Variants in CSTPP1 observed in about 807,000 individuals in gnomAD.
CSTPP1 encodes the protein centriolar satellite-associated tubulin polyglutamylase complex regulator 1.
chr11:47,068,389 A>T, the CSTPP1 span, among the ~76,000 whole-genome samples: 1 of 151,978 alleles, frequency 6.6e-6, no homozygotes, highest in Admixed American at 6.6e-5. Context: ...AAAATTAGTG[A>T]AGCACGGTGG....
At chr11:47,091,046 CAA>C in the CSTPP1 span, among the ~76,000 whole-genome samples, 45,944 of 84,258 alleles carry the variant, frequency 0.55, 12,765 homozygotes, top group Middle Eastern at 0.73. Context: ...GACTCCATCT[CAA>C]AAAAAAAAAA....
chr11:47,153,634 T>C, the CSTPP1 span, among the ~76,000 whole-genome samples: 11 of 152,202 alleles, frequency 7.2e-5, no homozygotes, highest in Admixed American at 1.3e-4. Flanking sequence ...AGGATTGTTG[T>C]GGGATAAAAT....
the CSTPP1 span, among the ~76,000 whole-genome samples, chr11:47,122,733 C>T: frequency 2.6e-5 from 4 of 152,116 alleles, no homozygotes; most frequent in Admixed American, 1.3e-4. Context: ...GTGTGCACCA[C>T]TGTGCCTGGC....
At chr11:47,007,213 T>C in the CSTPP1 span, among the ~76,000 whole-genome samples, 2 of 151,774 alleles carry the variant, frequency 1.3e-5, no homozygotes, top group Non-Finnish European at 2.9e-5. Context: ...GTGTTTTTAG[T>C]AGAGATGGGG....
the CSTPP1 span, among the ~76,000 whole-genome samples, chr11:47,087,322 G>A: frequency 3.9e-5 from 6 of 152,170 alleles, no homozygotes; most frequent in African/African-American, 1.4e-4. Context: ...CTAGCTGTGT[G>A]GCTTTGAGTA....
chr11:47,118,107 C>T, the CSTPP1 span, among the ~76,000 whole-genome samples: 4 of 151,834 alleles, frequency 2.6e-5, no homozygotes, highest in African/African-American at 9.7e-5. Context: ...CTCAAACCCC[C>T]GACCTCGTGA....
chr11:47,036,193 TTA>T, the CSTPP1 span, among the ~76,000 whole-genome samples: 1 of 54,068 alleles, frequency 1.8e-5, no homozygotes, highest in African/African-American at 5.8e-5. Context: ...TATATTTATA[TTA>T]TATATTATAT....
At chr11:47,097,689 T>G in the CSTPP1 span, among the ~76,000 whole-genome samples, 16 of 36,528 alleles carry the variant, frequency 4.4e-4, no homozygotes, top group African/African-American at 5.9e-4. Context: ...TGGGGGGGGG[T>G]CGGCCCCCCT....
the CSTPP1 span, chr11:47,161,730 T>TG: frequency 1.4e-6 from 2 of 1,475,362 alleles, no homozygotes; most frequent in Non-Finnish European, 1.8e-6. Context: ...CACCTTGCTG[T>TG]GCTGCCCTCT....
chr11:47,145,452 A>G, the CSTPP1 span, among the ~76,000 whole-genome samples: 3 of 152,052 alleles, frequency 2.0e-5, no homozygotes, highest in South Asian at 6.2e-4. Flanking sequence ...TCTCTACTAA[A>G]TACAAAAATT....
the CSTPP1 span, chr11:47,137,823 AT>A: frequency 7.7e-7 from 1 of 1,297,282 alleles, no homozygotes; most frequent in Non-Finnish European, 1.1e-6. Context: ...AAAAAGGAGC[AT>A]TTAGGGAAGA....
chr11:47,043,059 C>A, the CSTPP1 span, among the ~76,000 whole-genome samples: 4 of 152,168 alleles, frequency 2.6e-5, no homozygotes, highest in African/African-American at 9.7e-5. Context: ...GTAAGTGGGA[C>A]TGTAACCACA....
At chr11:47,047,684 C>T in the CSTPP1 span, among the ~76,000 whole-genome samples, 2 of 152,268 alleles carry the variant, frequency 1.3e-5, no homozygotes, top group East Asian at 1.9e-4. Flanking sequence ...AAATTAAGAA[C>T]TTTTGTGCAT....
the CSTPP1 span, among the ~76,000 whole-genome samples, chr11:47,058,906 A>G: frequency 2.2e-4 from 34 of 152,342 alleles, no homozygotes; most frequent in Admixed American, 5.2e-4. Flanking sequence ...AGGAGCTCTT[A>G]TTCTAGGAGA....
chr11:47,040,229 G>T, the CSTPP1 span, among the ~76,000 whole-genome samples: 71 of 128,836 alleles, frequency 5.5e-4, 21 homozygotes, highest in Non-Finnish European at 1.3e-3. Flanking sequence ...TTATGAGGGG[G>T]CATCAGACAC....
chr11:47,123,050 A>G, the CSTPP1 span: 1 of 152,162 alleles, frequency 6.6e-6, no homozygotes. Context: ...ACCATACTCT[A>G]TATGACAATT....
At chr11:47,163,331 C>A in the CSTPP1 span, among the ~76,000 whole-genome samples, 1 of 152,210 alleles carries the variant, frequency 6.6e-6, no homozygotes, top group African/African-American at 2.4e-5. Flanking sequence ...GAGAGTCTAA[C>A]TCTATCAACT....
At chr11:47,138,913 GA>G in the CSTPP1 span, among the ~76,000 whole-genome samples, 1 of 147,308 alleles carries the variant, frequency 6.8e-6, no homozygotes, top group Non-Finnish European at 1.5e-5. Flanking sequence ...CTGGGAGGCG[GA>G]GGTTGCAGTG....
the CSTPP1 span, among the ~76,000 whole-genome samples, chr11:47,075,323 ATCGCAGCACTGCACT>A: frequency 6.6e-6 from 1 of 152,160 alleles, no homozygotes; most frequent in East Asian, 1.9e-4. Flanking sequence ...GTGAGCCGAG[ATCGCAGCACTGCACT>A]TCAGCTTGGG....
Sources: allele counts gnomAD v4.1 joint callset (sites outside exome capture counted in the v4.1 genomes callset), GRCh38; gene constraint gnomAD v4.1.1; transcripts MANE v1.5; gene names NCBI Gene and HGNC (gene_info 2026-07-23, HGNC 2026-07-21).